DISC1: variants seen among roughly 807,000 people sequenced by gnomAD.
DISC1 encodes the protein DISC1 scaffold protein.
In DISC1, 57 loss-of-function variants were observed where a neutral mutation model predicts 84.5. That is an observed-to-expected ratio of 0.67 (90% confidence interval 0.55 to 0.84). The LOEUF (loss-of-function observed/expected upper bound fraction) is 0.84, where lower values mean the gene tolerates loss of function less well. DISC1 is among the 40% of genes least tolerant of loss of function. DISC1 has a pLI of 0.00. For missense variants in DISC1, 1,000 were observed against 1,057.8 expected (o/e 0.95, Z 0.76); for synonymous variants, 411 against 415.2 (o/e 0.99, Z 0.12).
At chr1:231,717,919 C>G (rs1293980059) in intron 3 of DISC1, among the ~76,000 whole-genome samples, 1 of 152,116 alleles carries the variant, frequency 6.6e-6, no homozygotes, top group Non-Finnish European at 1.5e-5. Flanking sequence ...GATCTAAAGA[C>G]TATCTTTTTC....
At chr1:231,671,022 A>T (rs956177921) in intron 1 of DISC1, among the ~76,000 whole-genome samples, 1 of 152,152 alleles carries the variant, frequency 6.6e-6, no homozygotes, top group Non-Finnish European at 1.5e-5. Flanking sequence ...CTTGGCGTTG[A>T]ATATTGCCTT....
intron 3 of DISC1, among the ~76,000 whole-genome samples, chr1:231,736,470 T>C (rs1320450452): frequency 3.9e-5 from 6 of 152,254 alleles, no homozygotes; most frequent in African/African-American, 1.4e-4. Context: ...TGCAAAGTGT[T>C]GTGAAAGAAT....
chr1:231,715,540 G>T (rs1283372072), intron 3 of DISC1, among the ~76,000 whole-genome samples: 1 of 152,050 alleles, frequency 6.6e-6, no homozygotes, highest in African/African-American at 2.4e-5. Flanking sequence ...TGTTTTTCCG[G>T]GAGCTTTATG....
intron 3 of DISC1, among the ~76,000 whole-genome samples, chr1:231,745,837 T>TG (rs1213142520): frequency 2.6e-5 from 4 of 152,256 alleles, no homozygotes; most frequent in African/African-American, 9.6e-5. Context: ...ATGGGCCTGG[T>TG]GGGAGGTGTT....
chr1:231,721,064 C>T, intron 3 of DISC1: 1 of 1,290,876 alleles, frequency 7.7e-7, no homozygotes, highest in Non-Finnish European at 1.0e-6. Context: ...AGCTTTTTTC[C>T]AGAGCCAGGT....
chr1:231,981,099 A>C (rs1306307401), intron 10 of DISC1, among the ~76,000 whole-genome samples: 1 of 152,014 alleles, frequency 6.6e-6, no homozygotes, highest in Admixed American at 6.6e-5. Flanking sequence ...ACACACCACC[A>C]TGTCTGGCTA....
chr1:231,952,393 T>G (rs1658583927), intron 9 of DISC1, among the ~76,000 whole-genome samples: 1 of 152,080 alleles, frequency 6.6e-6, no homozygotes, highest in Non-Finnish European at 1.5e-5. Flanking sequence ...AGAATTTATA[T>G]TGAGTAGTCA....
chr1:232,012,704 C>G (rs1391023325), intron 11 of DISC1, among the ~76,000 whole-genome samples: 1 of 152,148 alleles, frequency 6.6e-6, no homozygotes, highest in African/African-American at 2.4e-5. Flanking sequence ...GCTTATCTGG[C>G]CAACGTGGTG....
Position 231,954,107 on chromosome 1 carries a change from A to G in DISC1, c.1982-4721A>G, listed in dbSNP as rs900393054. On this transcript the variant is annotated intron_variant, in intron 9 of 12. Coordinates refer to ENST00000439617, the MANE Select transcript of DISC1 (RefSeq NM_018662.3). The surrounding 1 kb of genome is among the most constrained non-coding windows in gnomAD (Gnocchi z 4.8). The stretch of plus-strand genomic sequence containing the variant: ...TACACTGAAAAAGCTGTTGCTGGGT[A>G]GCTTGGTTATTTTTTTTCCCATCAG... Among the ~76,000 whole-genome samples, 5 of 152,078 alleles carry G rather than the reference A, an allele frequency of 3.3e-5. No homozygotes were observed. Among genetic ancestry groups the G allele is most frequent in the Admixed American group, 6.5e-5 (1 of 15,278 alleles).
Position 231,826,253 on chromosome 1 carries a change from G to C in DISC1, c.1981+7736G>C, listed in dbSNP as rs868829215. Among the ~76,000 whole-genome samples the C allele has an allele frequency of 3.2e-4, 49 of 152,170 alleles. 1 individual carries two copies. Among genetic ancestry groups the C allele is most frequent in the Admixed American group, 3.9e-4 (6 of 15,274 alleles). On this transcript the variant is annotated intron_variant, in intron 9 of 12. Coordinates refer to ENST00000439617, the MANE Select transcript of DISC1 (RefSeq NM_018662.3). This position sits in a 1 kb window ranked among gnomAD's most constrained non-coding sequence, Gnocchi z 4.2. The stretch of plus-strand genomic sequence containing the variant: ...GCCACCATCTGAATCCCTCTTACCT[G>C]CCATTTTACCTTTGACGTTGCTTTA...
intron 9 of DISC1, among the ~76,000 whole-genome samples, chr1:231,847,993 C>T: frequency 6.6e-6 from 1 of 152,150 alleles, no homozygotes; most frequent in Non-Finnish European, 1.5e-5. Flanking sequence ...CTGGATGTTC[C>T]TGAAGTCCAA....
intron 1 of DISC1, among the ~76,000 whole-genome samples, chr1:231,671,420 G>T (rs972306865): frequency 5.9e-5 from 9 of 152,072 alleles, no homozygotes; most frequent in African/African-American, 2.2e-4. Context: ...TATTATGAAT[G>T]AACTGAGCAG....
intron 3 of DISC1, among the ~76,000 whole-genome samples, chr1:231,721,755 A>G (rs1272376081): frequency 6.6e-6 from 1 of 152,208 alleles, no homozygotes; most frequent in Non-Finnish European, 1.5e-5. Flanking sequence ...TCCATCTGTT[A>G]TTAGTCCAGT....
At chr1:232,004,966 T>TTCCATCCC (rs1667204926) in intron 10 of DISC1, among the ~76,000 whole-genome samples, 1 of 75,180 alleles carries the variant, frequency 1.3e-5, no homozygotes, top group Admixed American at 1.0e-4. Context: ...CCTTCCTTCC[T>TTCCATCCC]TCTTCCCTTC....
intron 10 of DISC1, among the ~76,000 whole-genome samples, chr1:231,976,993 G>A (rs192887232): frequency 3.7e-4 from 56 of 152,258 alleles, no homozygotes; most frequent in African/African-American, 1.3e-3. Context: ...ACAAGAATAT[G>A]TAAGGCAACT....
chr1:231,935,009 T>C (rs1165269133), intron 9 of DISC1, among the ~76,000 whole-genome samples: 1 of 152,234 alleles, frequency 6.6e-6, no homozygotes, highest in Non-Finnish European at 1.5e-5. Context: ...ATAAATGACA[T>C]AGCCCTTGTG....
intron 3 of DISC1, among the ~76,000 whole-genome samples, chr1:231,716,617 A>G (rs1240571691): frequency 6.6e-6 from 1 of 152,134 alleles, no homozygotes; most frequent in Admixed American, 6.5e-5. Flanking sequence ...AAGGAGGAAA[A>G]TGGGACATAC....
Position 231,744,783 on chromosome 1 carries a change from GATCT to G in DISC1, c.1118-5132_1118-5129del, listed in dbSNP as rs558321300. The stretch of plus-strand genomic sequence containing the variant: ...ATTCACCCATGGATCCAACATGGGT[GATCT>G]ATCTATCTATTCTTTTAGATAGACA... On this transcript the variant is annotated intron_variant, in intron 3 of 12. Coordinates refer to ENST00000439617, the MANE Select transcript of DISC1 (RefSeq NM_018662.3). 2.8e-3 allele frequency among the ~76,000 whole-genome samples: 433 copies of G among 152,204 alleles called. 1 individual carries two copies. The highest frequency in any genetic ancestry group is 0.027 in the Middle Eastern group (8 of 294).
intron 1 of DISC1, among the ~76,000 whole-genome samples, chr1:231,639,614 G>A (rs1045101858): frequency 2.6e-5 from 4 of 152,330 alleles, no homozygotes; most frequent in African/African-American, 9.6e-5. Context: ...ACATGGATGG[G>A]GAAGGAGGTT....
Sources: allele counts gnomAD v4.1 joint callset (sites outside exome capture counted in the v4.1 genomes callset), GRCh38; gene constraint gnomAD v4.1.1; non-coding constraint Gnocchi (gnomAD v3.1); transcripts MANE v1.5; gene names NCBI Gene and HGNC (gene_info 2026-07-23, HGNC 2026-07-21).